Variants in COMMD6 observed in about 807,000 individuals in gnomAD.
The protein encoded by COMMD6 is COMM domain-containing protein 6.
Under a neutral mutation model 13.4 loss-of-function variants are expected in COMMD6, and 11 were observed. The observed-to-expected ratio is 0.82, with a 90% CI of 0.52 to 1.36. The LOEUF (loss-of-function observed/expected upper bound fraction) is 1.36, where lower values mean the gene tolerates loss of function less well. COMMD6 is among the 40% of genes most tolerant of loss of function. COMMD6 has a pLI of 0.00. For missense variants in COMMD6, 124 were observed against 102.4 expected, an observed-to-expected ratio of 1.21 and a Z score of -0.91; for synonymous variants, 43 against 36.5, an observed-to-expected ratio of 1.18 and a Z score of -0.64.
At position 75,537,644 on chromosome 13, in the gene COMMD6, C is replaced by A. The variant is rs373284337; in HGVS notation, c.54+20G>T. 1 of 1,613,688 alleles carries A rather than the reference C, an allele frequency of 6.2e-7. No homozygotes were observed. Among genetic ancestry groups the A allele is most frequent in the African/African-American group, 1.3e-5 (1 of 75,038 alleles). ...GGAGGCAGGCTGGCGGAGGACAGGG[C>A]GGGGCGGCCGCTCACCCACCTGGTT... On this transcript the variant is annotated intron_variant, in intron 2 of 3. Coordinates refer to ENST00000682242, the MANE Select transcript of COMMD6 (RefSeq NM_203495.4).
At chr13:75,538,564 A>G (rs1204751471), upstream of COMMD6, among the ~76,000 whole-genome samples, 1 of 152,234 alleles carries the variant, frequency 6.6e-6, no homozygotes, top group Non-Finnish European at 1.5e-5. Context: ...GCTTGTATTA[A>G]GGATGATACT....
At chr13:75,544,317 G>A (rs908128618) in intron 1 of COMMD6, among the ~76,000 whole-genome samples, 7 of 152,272 alleles carry the variant, frequency 4.6e-5, no homozygotes, top group African/African-American at 7.2e-5. Flanking sequence ...CAGAAACTCC[G>A]AATGAGAATG....
chr13:75,531,046 G>T (rs1431881368), intron 2 of COMMD6, among the ~76,000 whole-genome samples: 1 of 152,156 alleles, frequency 6.6e-6, no homozygotes, highest in Non-Finnish European at 1.5e-5. Flanking sequence ...TGTTTCCAAA[G>T]CATAGCCTGG....
chr13:75,526,761 T>G lies in COMMD6; in HGVS notation c.208-122A>C, dbSNP rs1045684541. 20 of 576,666 alleles carry G rather than the reference T, an allele frequency of 3.5e-5. No individual in the cohort carries two copies. The Admixed American group carries it at 5.9e-4, about 17-fold the overall frequency. 35.7% of individuals were successfully genotyped at this position (576,666 alleles called of 1,614,324 possible). ...ATTAAGTTTGCATTTTAGTGTTACA[T>G]TCTCAATTACTGAAGGTTGCTGTAA... On this transcript the variant is annotated intron_variant, in intron 3 of 3. Coordinates refer to ENST00000682242, the MANE Select transcript of COMMD6 (RefSeq NM_203495.4).
upstream of COMMD6, among the ~76,000 whole-genome samples, chr13:75,540,431 A>G (rs75416728): frequency 6.6e-6 from 1 of 152,004 alleles, no homozygotes; most frequent in Non-Finnish European, 1.5e-5. Flanking sequence ...TGTGTATTTT[A>G]AAAGGTATTT....
At chr13:75,534,513 C>T (rs67051742) in intron 2 of COMMD6, among the ~76,000 whole-genome samples, 15,556 of 152,138 alleles carry the variant, frequency 0.1, 1,077 homozygotes, top group Non-Finnish European at 0.15. Flanking sequence ...GTGAACTGCA[C>T]AGATTTTAAA....
chr13:75,543,479 A>G (rs1234656023), upstream of COMMD6, among the ~76,000 whole-genome samples: 4 of 152,246 alleles, frequency 2.6e-5, no homozygotes, highest in Admixed American at 2.0e-4. Flanking sequence ...TTCAGACCAT[A>G]AGATACAAAT....
At chr13:75,540,342 A>C (rs12877447), upstream of COMMD6, among the ~76,000 whole-genome samples, 5,994 of 101,548 alleles carry the variant, frequency 0.059, 133 homozygotes, top group Middle Eastern at 0.097. Context: ...ACACACACAC[A>C]CCCACACACA....
At chr13:75,548,472 G>C (rs17064655) in intron 1 of COMMD6, among the ~76,000 whole-genome samples, 1,802 of 152,232 alleles carry the variant, frequency 0.012, 41 homozygotes, top group African/African-American at 0.041. Context: ...CCTCTATTAG[G>C]TGCAGAATAG....
upstream of COMMD6, among the ~76,000 whole-genome samples, chr13:75,540,328 A>ACACACACACACACACC (rs2030804824): frequency 2.0e-5 from 2 of 101,556 alleles, no homozygotes; most frequent in African/African-American, 3.9e-5. Context: ...TGGTAAATAC[A>ACACACACACACACACC]CACACACACA....
intron 3 of COMMD6, among the ~76,000 whole-genome samples, chr13:75,528,243 G>A (rs2138410273): frequency 6.6e-6 from 1 of 151,112 alleles, no homozygotes; most frequent in South Asian, 2.1e-4. Context: ...TTTTCCTATA[G>A]GAAAAAATTT....
At chr13:75,528,810 G>C (rs7334871) in intron 3 of COMMD6, among the ~76,000 whole-genome samples, 145,997 of 151,468 alleles carry the variant, frequency 0.96, 70,375 homozygotes, top group East Asian at 1. Flanking sequence ...CCATTGCACT[G>C]CAATTGCATC....
chr13:75,526,939 TAAAAGC>T (rs1291008473), intron 3 of COMMD6, among the ~76,000 whole-genome samples: 6 of 152,050 alleles, frequency 3.9e-5, no homozygotes, highest in Non-Finnish European at 7.4e-5. Flanking sequence ...ACACTGAAAA[TAAAAGC>T]AAAAATAACA....
chr13:75,537,923 GA>G, upstream of COMMD6: 1 of 1,019,032 alleles, frequency 9.8e-7, no homozygotes. Flanking sequence ...AGGGGAAGCT[GA>G]AAAAAGCATC....
In COMMD6 at chr13:75,537,255, T is replaced by C. The variant is rs531535670; in HGVS notation, c.54+409A>G. Reference sequence around the variant, plus strand: ...AGTCAAATTCATATTCCTAGCATTATAAATGCATACTCTAAAAGGCTAAAA... The same window carrying C: ...AGTCAAATTCATATTCCTAGCATTACAAATGCATACTCTAAAAGGCTAAAA... On this transcript the variant is annotated intron_variant, in intron 2 of 3. Coordinates refer to ENST00000682242, the MANE Select transcript of COMMD6 (RefSeq NM_203495.4). 5.8e-4 allele frequency: 821 copies of C among 1,410,502 alleles called. 1 individual carries two copies. Among genetic ancestry groups the C allele is most frequent in the Admixed American group, 9.8e-4 (42 of 42,666 alleles). 87.4% of individuals were successfully genotyped at this position (1,410,502 alleles called of 1,614,324 possible).
intron 3 of COMMD6, chr13:75,527,878 A>G: frequency 6.7e-7 from 1 of 1,498,750 alleles, no homozygotes; most frequent in Non-Finnish European, 8.9e-7. Context: ...AAATGTTAGT[A>G]AAAAGGTACA....
chr13:75,530,452 GGATATAAA>G, intron 2 of COMMD6, 186 bp from the exon 3 acceptor site: 1 of 395,902 alleles, frequency 2.5e-6, no homozygotes, highest in Non-Finnish European at 4.4e-6. Flanking sequence ...AGGTTATAAG[GGATATAAA>G]CAGTTAAAAA....
chr13:75,527,790 G>A, intron 3 of COMMD6: 1 of 1,469,918 alleles, frequency 6.8e-7, no homozygotes, highest in Non-Finnish European at 9.1e-7. Context: ...CTTATATGTG[G>A]AATCTAAAAA....
intron 3 of COMMD6, chr13:75,527,676 A>G (rs1010783848): frequency 2.3e-6 from 2 of 861,702 alleles, no homozygotes; most frequent in Non-Finnish European, 3.1e-6. Flanking sequence ...ACAGCCATAA[A>G]AAAGAAGGAA....
Sources: gnomAD v4.1 joint callset for allele counts (sites outside exome capture counted in the v4.1 genomes callset) on GRCh38, gnomAD v4.1.1 for gene constraint, MANE v1.5 for transcripts, NCBI Gene and HGNC (gene_info 2026-07-23, HGNC 2026-07-21) for gene names.